The following EDNRA variants were observed in gnomAD, a reference collection of about 807,000 sequenced individuals.
EDNRA encodes the protein endothelin-1 receptor.
A neutral mutation model predicts 41.4 loss-of-function variants in EDNRA; 11 were observed. The ratio of observed to expected loss-of-function variants is 0.27; its 90% CI spans 0.17 to 0.44. The LOEUF (loss-of-function observed/expected upper bound fraction) is 0.44. Among genes scored for constraint, EDNRA ranks in the 20% least tolerant of loss-of-function variants. The probability of loss-of-function intolerance (pLI) is 1.00; values close to 1 mark genes in which losing one functional copy is unlikely to be tolerated. For missense variants in EDNRA, 294 were observed against 531.0 expected (o/e 0.55, Z 4.39); for synonymous variants, 172 against 183.0 (o/e 0.94, Z 0.49).
intron 2 of EDNRA, among the ~76,000 whole-genome samples, chr4:147,497,477 G>A (rs1019320805): frequency 1.3e-5 from 2 of 152,082 alleles, no homozygotes; most frequent in Non-Finnish European, 2.9e-5. Flanking sequence ...TAGGCTAGCC[G>A]TGCCTTCAAG....
At chr4:147,484,318 C>T (rs1728872596) in intron 1 of EDNRA, among the ~76,000 whole-genome samples, 1 of 152,168 alleles carries the variant, frequency 6.6e-6, no homozygotes, top group African/African-American at 2.4e-5. Flanking sequence ...TGTCTAACCA[C>T]CCTCCTGAGT....
At chr4:147,538,461 T>C (rs1730987859) in intron 5 of EDNRA, among the ~76,000 whole-genome samples, 1 of 152,166 alleles carries the variant, frequency 6.6e-6, no homozygotes, top group African/African-American at 2.4e-5. Context: ...AGAATGGATA[T>C]TGGTTAAGCA....
intron 4 of EDNRA, among the ~76,000 whole-genome samples, chr4:147,534,580 C>A (rs1730857075): frequency 6.6e-6 from 1 of 152,134 alleles, no homozygotes; most frequent in Admixed American, 6.6e-5. Flanking sequence ...AAATAGCAGA[C>A]ATTTTCATAC....
At chr4:147,494,768 C>T (rs1729252516) in intron 2 of EDNRA, 1 of 152,172 alleles carries the variant, frequency 6.6e-6, no homozygotes, top group Non-Finnish European at 1.5e-5. Flanking sequence ...AACCTATACA[C>T]CTTTAAAAGT....
Position 147,532,700 on chromosome 4 carries a change from T to C in EDNRA, c.743T>C (p.Met248Thr), listed in dbSNP as rs2126474873. The change falls in exon 4 of 8, where the codon ATG (methionine) becomes ACG (threonine). Residue 248 changes from methionine (M) to threonine (T), a missense_variant. Met to Thr is a moderately conservative substitution (Grantham distance 81). This residue lies in a region of EDNRA where 185 missense variants were observed against 390.8 expected (regional missense o/e 0.47). Transcript: ENST00000651419. ...TCMLNATSKF[M>T]EFYQDVKDWW... Reference sequence around the variant, plus strand: ...ATGCTCAATGCCACATCAAAATTCATGGAGGTACTAAACGTTTAAAAGGAA... The same window carrying C: ...ATGCTCAATGCCACATCAAAATTCACGGAGGTACTAAACGTTTAAAAGGAA... 1 of 1,614,048 alleles carries C rather than the reference T, an allele frequency of 6.2e-7. No homozygotes were observed. Among genetic ancestry groups the C allele is most frequent in the Non-Finnish European group, 8.5e-7 (1 of 1,179,998 alleles).
chr4:147,508,614 C>A (rs551154332), intron 2 of EDNRA, among the ~76,000 whole-genome samples: 39 of 152,272 alleles, frequency 2.6e-4, no homozygotes, highest in African/African-American at 9.4e-4. Flanking sequence ...GTTCTGTAAT[C>A]TTTTCTGGCT....
intron 2 of EDNRA, among the ~76,000 whole-genome samples, chr4:147,518,394 C>A (rs1730190883): frequency 6.6e-6 from 1 of 152,066 alleles, no homozygotes; most frequent in Non-Finnish European, 1.5e-5. Context: ...TGAGAAGACA[C>A]CAATCGAGAC....
At chr4:147,496,723 A>G (rs1184841758) in intron 2 of EDNRA, among the ~76,000 whole-genome samples, 1 of 152,176 alleles carries the variant, frequency 6.6e-6, no homozygotes, top group Admixed American at 6.5e-5. Context: ...CTTACTCAAC[A>G]TTATGTTTGT....
At chr4:147,502,938 T>C (rs1729565355) in intron 2 of EDNRA, among the ~76,000 whole-genome samples, 1 of 152,224 alleles carries the variant, frequency 6.6e-6, no homozygotes, top group Non-Finnish European at 1.5e-5. Context: ...CTTCATGTAG[T>C]ATGAATTCAG....
chr4:147,496,543 G>A (rs1560896824), intron 2 of EDNRA, among the ~76,000 whole-genome samples: 1 of 152,146 alleles, frequency 6.6e-6, no homozygotes, highest in Non-Finnish European at 1.5e-5. Flanking sequence ...GTGTAACCAG[G>A]ATCAACAAAG....
chr4:147,536,080 C>T, intron 5 of EDNRA, 51 bp downstream of exon 5: 2 of 1,598,800 alleles, frequency 1.3e-6, no homozygotes, highest in Non-Finnish European at 1.7e-6. Context: ...TAGTCCTTGA[C>T]AGCAGCAGGC....
chr4:147,534,037 A>G (rs1442529796), intron 4 of EDNRA, among the ~76,000 whole-genome samples: 1 of 151,950 alleles, frequency 6.6e-6, no homozygotes, highest in Non-Finnish European at 1.5e-5. Flanking sequence ...CCCTAGACTG[A>G]TGGTAGGCCC....
At chr4:147,523,488 G>GTT (rs759191166) in intron 3 of EDNRA, among the ~76,000 whole-genome samples, 3 of 118,072 alleles carry the variant, frequency 2.5e-5, no homozygotes, top group African/African-American at 1.4e-4. Context: ...TTGTTTTTTT[G>GTT]TTTTTTTTGT....
At chr4:147,500,037 T>G (rs542389821) in intron 2 of EDNRA, among the ~76,000 whole-genome samples, 1 of 152,214 alleles carries the variant, frequency 6.6e-6, no homozygotes, top group East Asian at 1.9e-4. Flanking sequence ...ACTCCTGATC[T>G]CAGGTGGTCT....
At chr4:147,498,429 T>C (rs1035891604) in intron 2 of EDNRA, among the ~76,000 whole-genome samples, 1 of 152,188 alleles carries the variant, frequency 6.6e-6, no homozygotes, top group Non-Finnish European at 1.5e-5. Flanking sequence ...TGCTTGCTCC[T>C]GCTTGATTCG....
intron 3 of EDNRA, among the ~76,000 whole-genome samples, chr4:147,527,457 A>T (rs1422425262): frequency 6.6e-6 from 1 of 152,254 alleles, no homozygotes; most frequent in African/African-American, 2.4e-5. Context: ...TAAAGCTAAA[A>T]TTTAAAAATT....
Position 147,535,829 on chromosome 4 carries a change from A to G in EDNRA, c.748-48A>G, listed in dbSNP as rs201062873. 26 of 1,599,354 alleles carry G rather than the reference A, an allele frequency of 1.6e-5. No homozygotes were observed. In the African/African-American group the frequency reaches 3.0e-4, roughly 19 times the overall value. The stretch of plus-strand genomic sequence containing the variant: ...ACCAGAGGCACAGCATGGTTAATTG[A>G]CATGACTCTGCTCCTCCTTTTCTCT... On this transcript the variant is annotated intron_variant, in intron 4 of 7. Coordinates refer to ENST00000651419, the MANE Select transcript of EDNRA (RefSeq NM_001957.4).
intron 2 of EDNRA, among the ~76,000 whole-genome samples, chr4:147,498,488 C>T (rs1430559790): frequency 6.6e-6 from 1 of 152,142 alleles, no homozygotes; most frequent in Non-Finnish European, 1.5e-5. Context: ...ATCTGGCCCA[C>T]CACCTGTTTT....
intron 3 of EDNRA, chr4:147,520,315 A>G (rs1730276911): frequency 2.0e-6 from 1 of 489,062 alleles, no homozygotes; most frequent in Admixed American, 2.2e-5. Context: ...CACCTGGTAA[A>G]TTTATCATAA....
Sources: gnomAD v4.1 joint callset for allele counts (sites outside exome capture counted in the v4.1 genomes callset) on GRCh38, gnomAD v4.1.1 for gene constraint, gnomAD v4.1.1 regional missense constraint, MANE v1.5 for transcripts, NCBI Gene and HGNC (gene_info 2026-07-23, HGNC 2026-07-21) for gene names.